Variants in BMAL1 observed in about 807,000 individuals in gnomAD.
BMAL1 encodes basic helix-loop-helix ARNT-like protein 1.
the BMAL1 span, among the ~76,000 whole-genome samples, chr11:13,330,820 C>T: frequency 2.0e-5 from 3 of 152,248 alleles, no homozygotes; most frequent in Admixed American, 2.0e-4. Flanking sequence ...TTCTGTGCCA[C>T]TCAAAGGCGC....
chr11:13,295,898 C>G, the BMAL1 span, among the ~76,000 whole-genome samples: 746 of 152,336 alleles, frequency 4.9e-3, 2 homozygotes, highest in Non-Finnish European at 7.3e-3. Flanking sequence ...GCCTCCCTCT[C>G]ACCCAGCCAC....
chr11:13,295,892 C>T, the BMAL1 span, among the ~76,000 whole-genome samples: 18 of 152,296 alleles, frequency 1.2e-4, no homozygotes, highest in South Asian at 3.5e-3. Flanking sequence ...CTCCTTGCCT[C>T]CCTCTCACCC....
the BMAL1 span, among the ~76,000 whole-genome samples, chr11:13,281,141 C>T: frequency 3.9e-5 from 6 of 152,152 alleles, no homozygotes; most frequent in Non-Finnish European, 8.8e-5. Context: ...CACCTCTACC[C>T]GGGTCCTATC....
chr11:13,359,677 A>G, the BMAL1 span, among the ~76,000 whole-genome samples: 19 of 152,252 alleles, frequency 1.2e-4, no homozygotes, highest in Non-Finnish European at 2.8e-4. Flanking sequence ...TCGCTATTCT[A>G]CAGACTCCAA....
chr11:13,288,520 C>T, the BMAL1 span, among the ~76,000 whole-genome samples: 2 of 149,612 alleles, frequency 1.3e-5, no homozygotes, highest in African/African-American at 4.9e-5. Context: ...TTTCATTTTG[C>T]AGTTGGGGAA....
At chr11:13,381,342 G>A in the BMAL1 span, 6 of 1,268,854 alleles carry the variant, frequency 4.7e-6, no homozygotes, top group East Asian at 2.3e-5. Context: ...TTGCAACTGC[G>A]ATTGCTGAAA....
chr11:13,383,668 G>A, the BMAL1 span, among the ~76,000 whole-genome samples: 3 of 151,416 alleles, frequency 2.0e-5, no homozygotes, highest in Non-Finnish European at 2.9e-5. Flanking sequence ...GGGCAACATA[G>A]AGAAATCCCA....
the BMAL1 span, chr11:13,375,702 G>A: frequency 6.2e-7 from 1 of 1,605,114 alleles, no homozygotes; most frequent in South Asian, 1.1e-5. Context: ...CGATGGTTCA[G>A]TTTCATGAAC....
At chr11:13,380,742 C>T in the BMAL1 span, 1 of 162,188 alleles carries the variant, frequency 6.2e-6, no homozygotes, top group Non-Finnish European at 1.3e-5. Flanking sequence ...TAGAAGTTCT[C>T]CTCCAATTCA....
chr11:13,365,120 C>CA, the BMAL1 span, among the ~76,000 whole-genome samples: 5 of 152,258 alleles, frequency 3.3e-5, no homozygotes, highest in Middle Eastern at 3.4e-3. Flanking sequence ...TTCCAAATCT[C>CA]AGATTCTCTG....
At chr11:13,290,899 T>G in the BMAL1 span, among the ~76,000 whole-genome samples, 1 of 152,152 alleles carries the variant, frequency 6.6e-6, no homozygotes, top group Non-Finnish European at 1.5e-5. Context: ...CTGACTGTGT[T>G]ATTGGTTGAT....
At chr11:13,357,643 C>A in the BMAL1 span, among the ~76,000 whole-genome samples, 1 of 152,248 alleles carries the variant, frequency 6.6e-6, no homozygotes, top group East Asian at 1.9e-4. The surrounding 1 kb of genome is among the most constrained non-coding windows in gnomAD (Gnocchi z 4.8). Context: ...TGCGTCATGA[C>A]AGACTGATAC....
At chr11:13,303,735 AG>A in the BMAL1 span, among the ~76,000 whole-genome samples, 8 of 152,120 alleles carry the variant, frequency 5.3e-5, no homozygotes, top group African/African-American at 1.9e-4. Context: ...TTTGTGAGGA[AG>A]GCTTTATGGA....
chr11:13,371,552 C>T, the BMAL1 span, among the ~76,000 whole-genome samples: 6 of 152,214 alleles, frequency 3.9e-5, no homozygotes, highest in Non-Finnish European at 8.8e-5. Context: ...CCAGTTCATA[C>T]GTCACTCTGC....
the BMAL1 span, among the ~76,000 whole-genome samples, chr11:13,372,747 G>A: frequency 1.3e-5 from 2 of 152,052 alleles, no homozygotes; most frequent in African/African-American, 4.8e-5. Flanking sequence ...GGAGGTCAAG[G>A]CTGCAGTGAG....
At chr11:13,371,670 G>A in the BMAL1 span, among the ~76,000 whole-genome samples, 1 of 152,204 alleles carries the variant, frequency 6.6e-6, no homozygotes, top group East Asian at 1.9e-4. Flanking sequence ...TGGTTAGAAA[G>A]TAATCCAAGG....
At chr11:13,308,284 A>G in the BMAL1 span, among the ~76,000 whole-genome samples, 1 of 152,138 alleles carries the variant, frequency 6.6e-6, no homozygotes, top group African/African-American at 2.4e-5. Flanking sequence ...TAAGTTTGAG[A>G]CACCCACCAT....
the BMAL1 span, among the ~76,000 whole-genome samples, chr11:13,313,620 C>G: frequency 3.3e-5 from 5 of 152,164 alleles, no homozygotes; most frequent in African/African-American, 1.2e-4. Flanking sequence ...CTCAGTTCTT[C>G]TCTGTCTCTC....
chr11:13,318,942 C>G, the BMAL1 span, among the ~76,000 whole-genome samples: 2 of 152,132 alleles, frequency 1.3e-5, no homozygotes. Context: ...GTGACCTCCC[C>G]CAACCTTTTC....
Sources: allele counts gnomAD v4.1 joint callset (sites outside exome capture counted in the v4.1 genomes callset), GRCh38; gene constraint gnomAD v4.1.1; non-coding constraint Gnocchi (gnomAD v3.1); transcripts MANE v1.5; gene names NCBI Gene and HGNC (gene_info 2026-07-23, HGNC 2026-07-21).